Variants in KLHL28 observed in about 807,000 individuals in gnomAD.
KLHL28 encodes kelch like family member 28.
In KLHL28, 22 loss-of-function variants were observed where a neutral mutation model predicts 48.3. That is an observed-to-expected ratio of 0.46 (90% CI 0.33 to 0.65). KLHL28 has a LOEUF of 0.65. KLHL28 is among the 30% of genes least tolerant of loss of function. The pLI, the probability that KLHL28 is intolerant of heterozygous loss-of-function variation, is 0.03. For missense variants in KLHL28, 527 were observed against 704.3 expected, an observed-to-expected ratio of 0.75 and a Z score of 2.85; for synonymous variants, 243 against 242.4, an observed-to-expected ratio of 1.00 and a Z score of -0.02.
chr14:44,951,003 G>C (rs1884556144), intron 1 of KLHL28, among the ~76,000 whole-genome samples: 1 of 152,210 alleles, frequency 6.6e-6, no homozygotes, highest in African/African-American at 2.4e-5. Context: ...ATTAGATTTA[G>C]ATAGTTTATT....
Position 44,945,363 on chromosome 14 carries a change from C to G in KLHL28, c.566G>C (p.Cys189Ser). The change falls in exon 2 of 5, where the codon TGT becomes TCT. Residue 189 changes from cysteine to serine, a missense_variant. Transcript: ENST00000396128. ...AGTCTCTTCGGTAGCTACATTCAAACAGTCATTGGAAACAATTTCATCCAA... is the reference window on the plus strand; with the variant it reads ...AGTCTCTTCGGTAGCTACATTCAAAGAGTCATTGGAAACAATTTCATCCAA... ...ADLDEIVSNDCLNVATEETVF... is the reference protein window; with the variant it reads ...ADLDEIVSNDSLNVATEETVF... 1 of 1,614,178 alleles carries G rather than the reference C, an allele frequency of 6.2e-7. No homozygotes were observed. Among genetic ancestry groups the G allele is most frequent in the South Asian group, 1.1e-5 (1 of 91,082 alleles).
In KLHL28 at chr14:44,927,418, AT is replaced by A. The variant is rs1346343825; in HGVS notation, c.*1609del. On this transcript the variant is annotated 3_prime_UTR_variant, in exon 5 of 5. Coordinates refer to ENST00000396128, the MANE Select transcript of KLHL28 (RefSeq NM_017658.5). ...TATGGCACTTAAGAATATAATATGAATTTTTTTCTTAAGAAAAATTATCTTG... is the reference window on the plus strand; with the variant it reads ...TATGGCACTTAAGAATATAATATGAATTTTTTCTTAAGAAAAATTATCTTG... 1 of 152,526 alleles carries A rather than the reference AT, an allele frequency of 6.6e-6. No homozygotes were observed. The highest frequency in any genetic ancestry group is 1.5e-5 in the Non-Finnish European group (1 of 67,972). 9.4% of individuals were successfully genotyped at this position (152,526 alleles called of 1,614,324 possible). A position where few individuals can be genotyped will look rare whatever the true frequency, so the allele number is the denominator to read the frequency against.
chr14:44,950,481 T>C (rs1405769046), intron 1 of KLHL28, among the ~76,000 whole-genome samples: 3 of 152,216 alleles, frequency 2.0e-5, no homozygotes, highest in African/African-American at 7.2e-5. Flanking sequence ...TGGTACACCA[T>C]CAACATATGA....
At chr14:44,946,179 C>CA (rs1237272625) in intron 1 of KLHL28, among the ~76,000 whole-genome samples, 2 of 152,082 alleles carry the variant, frequency 1.3e-5, no homozygotes, top group East Asian at 3.9e-4. Context: ...TGCCCCAAAC[C>CA]AAAAAAATCT....
intron 4 of KLHL28, 119 bp downstream of exon 4, chr14:44,931,209 CTTTTT>C: frequency 4.2e-6 from 2 of 477,336 alleles, no homozygotes; most frequent in Non-Finnish European, 3.6e-6. Context: ...ACATACAAGT[CTTTTT>C]TTTTTTTTTT....
Position 44,928,255 on chromosome 14 carries a change from A to T in KLHL28, c.*773T>A, listed in dbSNP as rs1005044623. On this transcript the variant is annotated 3_prime_UTR_variant, in exon 5 of 5. Transcript: ENST00000396128. ...GGGAGGCCTGCTGTACTACTGAAGA[A>T]AAACTGAAACACCTGATATGCTTAA... The T allele has an allele frequency of 7.2e-5, 11 of 152,234 alleles. No homozygotes were observed. Among genetic ancestry groups the T allele is most frequent in the African/African-American group, 2.7e-4 (11 of 41,456 alleles). The allele number at this position is 152,234 out of a possible 1,614,324, so 9.4% of individuals were successfully genotyped here.
intron 2 of KLHL28, 94 bp from the exon 3 acceptor site, chr14:44,934,652 A>C (rs1226779910): frequency 1.1e-6 from 1 of 932,344 alleles, no homozygotes; most frequent in African/African-American, 1.7e-5. Context: ...GGGACACAAA[A>C]ATTAAAAGCA....
chr14:44,957,276 G>A (rs535305822), intron 1 of KLHL28, among the ~76,000 whole-genome samples: 5 of 152,186 alleles, frequency 3.3e-5, no homozygotes, highest in South Asian at 4.1e-4. Flanking sequence ...ATATTGTTCT[G>A]CTTTTACATG....
chr14:44,935,270 G>C (rs188816163), intron 2 of KLHL28, among the ~76,000 whole-genome samples: 44 of 152,310 alleles, frequency 2.9e-4, no homozygotes, highest in Admixed American at 1.2e-3. Flanking sequence ...TCTGGATTAG[G>C]AATGAAGATA....
chr14:44,957,726 T>G (rs890967900), intron 1 of KLHL28, among the ~76,000 whole-genome samples: 1 of 152,184 alleles, frequency 6.6e-6, no homozygotes, highest in Non-Finnish European at 1.5e-5. Context: ...TAAAGAAATG[T>G]GAGGCACAGA....
Position 44,928,910 on chromosome 14 carries a change from A to T in KLHL28, c.*118T>A. 1.2e-6 allele frequency: 1 copy of T among 869,562 alleles called. No homozygotes were observed. The highest frequency in any genetic ancestry group is 2.0e-5 in the South Asian group (1 of 48,924). 53.9% of individuals were successfully genotyped at this position (869,562 alleles called of 1,614,324 possible). A position where few individuals can be genotyped will look rare whatever the true frequency, so the allele number is the denominator to read the frequency against. On this transcript the variant is annotated 3_prime_UTR_variant, in exon 5 of 5. Coordinates refer to ENST00000396128, the MANE Select transcript of KLHL28 (RefSeq NM_017658.5). ...TACCCAACAAAACTTTTGAGCCTTC[A>T]TGCTACTTCAAGTTAAAAAGAAAGC...
chr14:44,960,120 CT>C (rs1884968111), intron 1 of KLHL28, among the ~76,000 whole-genome samples: 2 of 152,262 alleles, frequency 1.3e-5, no homozygotes, highest in Middle Eastern at 3.4e-3. Context: ...AAATTGCAAT[CT>C]GTAATGTATA....
rs1314949257 is a variant in KLHL28 at position 44,928,347 on chromosome 14, T to C, written c.*681A>G. 2 of 152,032 alleles carry C rather than the reference T, an allele frequency of 1.3e-5. No homozygotes were observed. Among genetic ancestry groups the C allele is most frequent in the African/African-American group, 4.8e-5 (2 of 41,408 alleles). 9.4% of individuals were successfully genotyped at this position (152,032 alleles called of 1,614,324 possible). A position where few individuals can be genotyped will look rare whatever the true frequency, so the allele number is the denominator to read the frequency against. ...TTCATCCAACGTTAACCTGCCCATA[T>C]ACAAAAGGCATAAACAGTAAATATC... On this transcript the variant is annotated 3_prime_UTR_variant, in exon 5 of 5. Transcript: ENST00000396128.
chr14:44,938,203 G>A (rs1340574176), intron 2 of KLHL28, among the ~76,000 whole-genome samples: 3 of 152,052 alleles, frequency 2.0e-5, no homozygotes, highest in African/African-American at 7.2e-5. Flanking sequence ...ACATCCTGAG[G>A]CAAATTCCCT....
intron 1 of KLHL28, among the ~76,000 whole-genome samples, chr14:44,946,330 C>T (rs1884334543): frequency 1.3e-5 from 2 of 152,138 alleles, no homozygotes; most frequent in African/African-American, 4.8e-5. Flanking sequence ...ATATGTAGAA[C>T]AAACAACACT....
chr14:44,945,620 G>A lies in KLHL28; in HGVS notation c.309C>T (p.Asp103=). The stretch of plus-strand genomic sequence containing the variant: ...CTGCTGGCAGGAGAGATTCAACTGT[G>A]TCCTGAGAAATAAAAACAGTCCCTG... ...AYTGTVFISQ[D]TVESLLPAAN... Residue 103 remains aspartate, a synonymous_variant, in exon 2 of 5, where the codon GAC becomes GAT. Coordinates refer to ENST00000396128, the MANE Select transcript of KLHL28 (RefSeq NM_017658.5). 1 of 1,614,126 alleles carries A rather than the reference G, an allele frequency of 6.2e-7. No individual in the cohort carries two copies. The highest frequency in any genetic ancestry group is 8.5e-7 in the Non-Finnish European group (1 of 1,180,012).
intron 2 of KLHL28, among the ~76,000 whole-genome samples, chr14:44,940,073 T>A (rs992250693): frequency 2.0e-5 from 3 of 152,320 alleles, no homozygotes; most frequent in African/African-American, 4.8e-5. Flanking sequence ...GGAAGGGTCA[T>A]CCCATGATGG....
intron 1 of KLHL28, among the ~76,000 whole-genome samples, chr14:44,953,964 T>C (rs1884691598): frequency 6.6e-6 from 1 of 152,110 alleles, no homozygotes; most frequent in African/African-American, 2.4e-5. Context: ...ATATCAGTAA[T>C]ACATAAAATA....
chr14:44,924,804 AT>A lies in KLHL28; in HGVS notation c.*4223del, dbSNP rs1345949672. ...TACACATAACTTGACAAAATTAACA[AT>A]AAGTTATCTCTAGTAAAGATGTATA... On this transcript the variant is annotated 3_prime_UTR_variant, in exon 5 of 5. Coordinates refer to ENST00000396128, the MANE Select transcript of KLHL28 (RefSeq NM_017658.5). The A allele has an allele frequency of 6.6e-6, 1 of 152,642 alleles. No homozygotes were observed. The highest frequency in any genetic ancestry group is 1.9e-4 in the East Asian group (1 of 5,200). 9.5% of individuals were successfully genotyped at this position (152,642 alleles called of 1,614,324 possible).
Sources: allele counts gnomAD v4.1 joint callset (sites outside exome capture counted in the v4.1 genomes callset), GRCh38; gene constraint gnomAD v4.1.1; transcripts MANE v1.5; gene names NCBI Gene and HGNC (gene_info 2026-07-23, HGNC 2026-07-21).